XRCC2: variants seen among roughly 807,000 people sequenced by gnomAD.
XRCC2 encodes X-ray repair cross complementing 2.
In XRCC2, 24 loss-of-function variants were observed where a neutral mutation model predicts 27.3. The ratio of observed to expected loss-of-function variants is 0.88; its 90% CI spans 0.64 to 1.24. The LOEUF is 1.24. XRCC2 is among the 50% of genes most tolerant of loss of function. The pLI, the probability that XRCC2 is intolerant of heterozygous loss-of-function variation, is 0.00. For synonymous variants in XRCC2, 106 were observed against 115.4 expected (o/e 0.92, Z 0.52); for missense variants, 321 against 325.8 (o/e 0.99, Z 0.11).
chr7:152,674,934 ATGAC>A (rs2098040271), intron 1 of XRCC2, among the ~76,000 whole-genome samples: 1 of 151,690 alleles, frequency 6.6e-6, no homozygotes, highest in Non-Finnish European at 1.5e-5. Context: ...TTATTTATCT[ATGAC>A]TGCCTTCCCA....
chr7:152,645,476 A>T lies in XRCC2; in HGVS notation c.*3166T>A, dbSNP rs1009494274. 6.6e-6 allele frequency: 1 copy of T among 152,108 alleles called. No homozygotes were observed. Among genetic ancestry groups the T allele is most frequent in the Non-Finnish European group, 1.5e-5 (1 of 68,014 alleles). The allele number at this position is 152,108 out of a possible 1,614,324, so 9.4% of individuals were successfully genotyped here. On this transcript the variant is annotated 3_prime_UTR_variant, in exon 3 of 3. Transcript: ENST00000359321. ...CTTAAATGTTGATGTTTTAGCTCGC[A>T]AATTTGCTAAACTCTTAATTCTAAT...
At chr7:152,658,717 A>ACG (rs397782535) in intron 2 of XRCC2, among the ~76,000 whole-genome samples, 1 of 151,576 alleles carries the variant, frequency 6.6e-6, no homozygotes, top group African/African-American at 2.4e-5. Flanking sequence ...TTCATTTACC[A>ACG]ATGTCCTCAA....
chr7:152,656,102 C>T (rs2098030607), intron 2 of XRCC2, among the ~76,000 whole-genome samples: 1 of 152,202 alleles, frequency 6.6e-6, no homozygotes, highest in Non-Finnish European at 1.5e-5. Flanking sequence ...GACAAATAGC[C>T]AGGACAAGTA....
At chr7:152,675,254 C>T (rs761030513) in intron 1 of XRCC2, among the ~76,000 whole-genome samples, 6 of 152,124 alleles carry the variant, frequency 3.9e-5, no homozygotes, top group Admixed American at 6.6e-5. Context: ...CCTCTCCTTG[C>T]CAAACCATTT....
chr7:152,669,701 C>T (rs1344762460), intron 1 of XRCC2, among the ~76,000 whole-genome samples: 2 of 151,986 alleles, frequency 1.3e-5, no homozygotes, highest in African/African-American at 2.4e-5. Context: ...CCATGCCTGG[C>T]CACTTACCGG....
chr7:152,672,202 A>T (rs2098038466), intron 1 of XRCC2, among the ~76,000 whole-genome samples: 1 of 152,204 alleles, frequency 6.6e-6, no homozygotes, highest in African/African-American at 2.4e-5. Flanking sequence ...GATGGCAATG[A>T]TAATGGAATA....
Position 152,648,752 on chromosome 7 carries a change from C to A in XRCC2, c.733G>T (p.Asp245Tyr), listed in dbSNP as rs914464501. The A allele has an allele frequency of 1.5e-5, 25 of 1,614,148 alleles. No homozygotes were observed. In the African/African-American group the frequency reaches 2.4e-4, roughly 15 times the overall value. ...VKHRMFFSKQ[D>Y]DSQSSNQFSL... ...AATTGGTTGCTGCTTTGAGAATCAT[C>A]TTGTTTGGAGAAAAACATCCTGTGC... Residue 245 changes from aspartate to tyrosine, a missense_variant, in exon 3 of 3, where the codon GAT becomes TAT. Coordinates refer to ENST00000359321, the MANE Select transcript of XRCC2 (RefSeq NM_005431.2).
chr7:152,670,571 T>C (rs184352022), intron 1 of XRCC2, among the ~76,000 whole-genome samples: 1 of 152,176 alleles, frequency 6.6e-6, no homozygotes, highest in Admixed American at 6.5e-5. Context: ...GGCATCAGTA[T>C]ATCGCCTATT....
intron 2 of XRCC2, among the ~76,000 whole-genome samples, chr7:152,659,088 A>G (rs1213320017): frequency 6.6e-6 from 1 of 151,666 alleles, no homozygotes; most frequent in East Asian, 1.9e-4. Context: ...AATCTTACCA[A>G]CAGTGCAAAA....
At chr7:152,656,618 G>A (rs1280717962) in intron 2 of XRCC2, among the ~76,000 whole-genome samples, 1 of 152,126 alleles carries the variant, frequency 6.6e-6, no homozygotes, top group Non-Finnish European at 1.5e-5. Flanking sequence ...GTTAGTTACT[G>A]AACATGATGG....
In XRCC2 at chr7:152,660,718, T is replaced by C; in HGVS notation, c.104A>G (p.Glu35Gly). 6.2e-7 allele frequency: 1 copy of C among 1,613,360 alleles called. No homozygotes were observed. The highest frequency in any genetic ancestry group is 1.1e-5 in the South Asian group (1 of 90,846). Residue 35 changes from glutamate to glycine, a missense_variant, in exon 2 of 3, where the codon GAA becomes GGA. Glu to Gly is a moderately conservative substitution (Grantham distance 98). Coordinates refer to ENST00000359321, the MANE Select transcript of XRCC2 (RefSeq NM_005431.2). ...TTTTTTACCATGCACAGGTGAATCTTCATCAGCAAACAGATTTGGTTCTAT... is the reference window on the plus strand; with the variant it reads ...TTTTTTACCATGCACAGGTGAATCTCCATCAGCAAACAGATTTGGTTCTAT... ...KEIEPNLFAD[E>G]DSPVHGDILE...
intron 2 of XRCC2, among the ~76,000 whole-genome samples, chr7:152,660,055 A>C (rs1249821139): frequency 6.6e-6 from 1 of 152,236 alleles, no homozygotes; most frequent in African/African-American, 2.4e-5. Context: ...AGAAGATCAC[A>C]TATTACATGA....
At position 152,672,770 on chromosome 7, in the gene XRCC2, C is replaced by T. The variant is rs3218399; in HGVS notation, c.39+3271G>A. On this transcript the variant is annotated intron_variant, in intron 1 of 2. Transcript: ENST00000359321. The stretch of plus-strand genomic sequence containing the variant: ...AATTTTCTGCCATGTACATGAACTG[C>T]TTTAATAATAAATATAATGGAGTTA... Among the ~76,000 whole-genome samples, 1,349 of 152,168 alleles carry T rather than the reference C, an allele frequency of 8.9e-3. 16 individuals are homozygous for T. Among genetic ancestry groups the T allele is most frequent in the African/African-American group, 0.03 (1,265 of 41,524 alleles).
At chr7:152,651,257 C>G (rs992115779) in intron 2 of XRCC2, among the ~76,000 whole-genome samples, 2 of 151,836 alleles carry the variant, frequency 1.3e-5, no homozygotes, top group African/African-American at 2.4e-5. Flanking sequence ...TTATTATCAA[C>G]AAACCGTTGT....
At chr7:152,659,462 C>T (rs921481245) in intron 2 of XRCC2, among the ~76,000 whole-genome samples, 2 of 152,132 alleles carry the variant, frequency 1.3e-5, no homozygotes, top group African/African-American at 2.4e-5. Context: ...TGAGCCACTG[C>T]GCTCGGCTAT....
chr7:152,669,049 G>C (rs542236349), intron 1 of XRCC2, among the ~76,000 whole-genome samples: 1 of 152,084 alleles, frequency 6.6e-6, no homozygotes, highest in Non-Finnish European at 1.5e-5. Context: ...AATCAAATAT[G>C]AGTACAAGGA....
chr7:152,655,319 A>G (rs778242618), intron 2 of XRCC2, among the ~76,000 whole-genome samples: 1 of 152,188 alleles, frequency 6.6e-6, no homozygotes, highest in Non-Finnish European at 1.5e-5. Flanking sequence ...TTATATAACA[A>G]ATATGTTGAA....
At chr7:152,674,739 A>AATATATTTTTAAATATATATTATATAT (rs1563035348) in intron 1 of XRCC2, among the ~76,000 whole-genome samples, 110 of 3,534 alleles carry the variant, frequency 0.031, 11 homozygotes, top group African/African-American at 0.085. Flanking sequence ...TATTATATAT[A>AATATATTTTTAAATATATATTATATAT]AATATATTTT....
chr7:152,648,837 C>T lies in XRCC2; in HGVS notation c.648G>A (p.Leu216=). Residue 216 remains leucine, a synonymous_variant, in exon 3 of 3, where the codon CTG becomes CTA. Transcript: ENST00000359321. ...SEEPSHASRR[L]CDVDIDYRPY... ...GTCTGTAGTCTATGTCCACATCACA[C>T]AGTCGTCGAGAGGCATGAGAAGGTT... The T allele has an allele frequency of 1.9e-6, 3 of 1,613,852 alleles. No individual in the cohort carries two copies. The highest frequency in any genetic ancestry group is 2.5e-6 in the Non-Finnish European group (3 of 1,179,746).
Sources: gnomAD v4.1 joint callset for allele counts (sites outside exome capture counted in the v4.1 genomes callset) on GRCh38, gnomAD v4.1.1 for gene constraint, MANE v1.5 for transcripts, NCBI Gene and HGNC (gene_info 2026-07-23, HGNC 2026-07-21) for gene names.